The following TTC23 variants were observed in gnomAD, a reference collection of about 807,000 sequenced individuals.
TTC23 encodes tetratricopeptide repeat domain 23.
TTC23 carries 58 observed loss-of-function variants against 55.1 expected under a neutral mutation model. The observed-to-expected ratio is 1.05, with a 90% CI of 0.85 to 1.31. TTC23 has a LOEUF of 1.31. Among genes scored for constraint, TTC23 ranks in the 50% most tolerant of loss-of-function variants. TTC23 has a pLI of 0.00. For synonymous variants in TTC23, 203 were observed against 199.9 expected (o/e 1.02, Z -0.13); for missense variants, 516 against 534.4 (o/e 0.97, Z 0.34).
chr15:99,247,613 G>A (rs190386807), intron 1 of TTC23, among the ~76,000 whole-genome samples: 74 of 152,248 alleles, frequency 4.9e-4, no homozygotes, highest in African/African-American at 1.8e-3. Context: ...GCAAAGGATC[G>A]CATAATGTGT....
chr15:99,174,698 A>G (rs1381887441), intron 10 of TTC23, among the ~76,000 whole-genome samples: 1 of 152,336 alleles, frequency 6.6e-6, no homozygotes, highest in Non-Finnish European at 1.5e-5. Flanking sequence ...GCTGGCCCAG[A>G]GGCCAGAGCT....
In TTC23 at chr15:99,228,726, T is replaced by C. The variant is rs370978009; in HGVS notation, c.-14A>G. 1.7e-5 allele frequency: 27 copies of C among 1,552,554 alleles called. No individual in the cohort carries two copies. In the East Asian group the frequency reaches 3.6e-4, roughly 21 times the overall value. On this transcript the variant is annotated 5_prime_UTR_variant, in exon 5 of 14. An upstream start codon of the reference 5' UTR is lost. Transcript: ENST00000394132. Reference sequence around the variant, plus strand: ...TGATTCTTGCATATTTTTATATACATTGTCTTCTAATTTTAAAATAAAAAA... The same window carrying C: ...TGATTCTTGCATATTTTTATATACACTGTCTTCTAATTTTAAAATAAAAAA...
chr15:99,224,774 G>C (rs1480100346), intron 5 of TTC23, among the ~76,000 whole-genome samples: 1 of 152,222 alleles, frequency 6.6e-6, no homozygotes. Flanking sequence ...ACGTTGAACT[G>C]AGTACAAATT....
intron 11 of TTC23, chr15:99,159,948 G>C (rs2071128606): frequency 6.5e-6 from 1 of 152,866 alleles, no homozygotes; most frequent in Non-Finnish European, 1.5e-5. Flanking sequence ...TATTTTGGAG[G>C]AAAAAATGGC....
chr15:99,154,459 C>T (rs1567342167), intron 12 of TTC23, among the ~76,000 whole-genome samples: 1 of 152,094 alleles, frequency 6.6e-6, no homozygotes. Flanking sequence ...ATGCTGTTAT[C>T]TTGGGAGTGG....
chr15:99,240,686 GT>G (rs2079704618), intron 3 of TTC23, among the ~76,000 whole-genome samples: 3 of 152,208 alleles, frequency 2.0e-5, no homozygotes, highest in African/African-American at 7.2e-5. Flanking sequence ...AGGAAAGTAG[GT>G]CTCTGTATCC....
At chr15:99,200,406 T>C (rs2076103671) in intron 8 of TTC23, among the ~76,000 whole-genome samples, 1 of 152,182 alleles carries the variant, frequency 6.6e-6, no homozygotes, top group African/African-American at 2.4e-5. Flanking sequence ...GAAGATTAAA[T>C]TAATTGATAT....
At chr15:99,174,917 G>A (rs1052422314) in intron 10 of TTC23, 133 bp downstream of exon 10, 5 of 665,140 alleles carry the variant, frequency 7.5e-6, no homozygotes, top group Non-Finnish European at 1.3e-5. Context: ...AGGGGCAGAT[G>A]ATCAGATAAA....
chr15:99,162,957 C>T (rs1271181159), intron 10 of TTC23, among the ~76,000 whole-genome samples: 4 of 151,988 alleles, frequency 2.6e-5, no homozygotes, highest in Non-Finnish European at 5.9e-5. Flanking sequence ...ATGATGTGCA[C>T]CTGTTGTCCC....
chr15:99,162,236 G>A (rs1376440183), intron 10 of TTC23, among the ~76,000 whole-genome samples: 1 of 152,040 alleles, frequency 6.6e-6, no homozygotes, highest in Non-Finnish European at 1.5e-5. Flanking sequence ...ACTGAGGGTA[G>A]GACTCTGAAA....
intron 12 of TTC23, chr15:99,155,898 T>C: frequency 1.8e-6 from 1 of 542,970 alleles, no homozygotes; most frequent in South Asian, 3.2e-5. Context: ...TCAATTGTAC[T>C]ACGTAAAAAA....
At chr15:99,198,101 A>T (rs2075894182) in intron 9 of TTC23, among the ~76,000 whole-genome samples, 1 of 151,954 alleles carries the variant, frequency 6.6e-6, no homozygotes, top group Non-Finnish European at 1.5e-5. Flanking sequence ...TCCCTAGGTG[A>T]TCTCGTCCTC....
intron 12 of TTC23, chr15:99,155,343 AACTC>A (rs1196349473): frequency 2.6e-5 from 4 of 152,202 alleles, no homozygotes; most frequent in African/African-American, 9.7e-5. Context: ...TGGATAGAAA[AACTC>A]AATATCACAA....
At chr15:99,212,186 G>GA (rs1163112349) in intron 8 of TTC23, among the ~76,000 whole-genome samples, 9 of 152,138 alleles carry the variant, frequency 5.9e-5, no homozygotes, top group Non-Finnish European at 1.0e-4. Context: ...AGAGCTGGGG[G>GA]AAAATCACAT....
At chr15:99,225,672 C>T (rs2078342283) in intron 5 of TTC23, among the ~76,000 whole-genome samples, 1 of 152,142 alleles carries the variant, frequency 6.6e-6, no homozygotes, top group Non-Finnish European at 1.5e-5. Flanking sequence ...AATAGAATGC[C>T]AACAAACAAA....
chr15:99,199,356 C>T (rs2076004721), intron 9 of TTC23, among the ~76,000 whole-genome samples: 2 of 148,676 alleles, frequency 1.3e-5, no homozygotes. Flanking sequence ...TCACGTGAAC[C>T]CAGGAGTTTG....
intron 3 of TTC23, among the ~76,000 whole-genome samples, chr15:99,236,162 A>G (rs527254882): frequency 2.1e-3 from 323 of 152,310 alleles, no homozygotes; most frequent in Non-Finnish European, 3.4e-3. Flanking sequence ...CCCAGAAGTG[A>G]AACTGCTGGA....
chr15:99,218,296 AAGGGTGT>A (rs2077629841), intron 8 of TTC23, among the ~76,000 whole-genome samples: 1 of 152,148 alleles, frequency 6.6e-6, no homozygotes, highest in Admixed American at 6.5e-5. Flanking sequence ...GGAGGAAGAG[AAGGGTGT>A]AGGGGCTGGG....
At chr15:99,187,707 A>G (rs2074853010) in intron 9 of TTC23, among the ~76,000 whole-genome samples, 1 of 152,076 alleles carries the variant, frequency 6.6e-6, no homozygotes, top group South Asian at 2.1e-4. Flanking sequence ...TCCCATGAAG[A>G]TATATAAATG....
Sources: gnomAD v4.1 joint callset for allele counts (sites outside exome capture counted in the v4.1 genomes callset) on GRCh38, gnomAD v4.1.1 for gene constraint, MANE v1.5 for transcripts, NCBI Gene and HGNC (gene_info 2026-07-23, HGNC 2026-07-21) for gene names.